Variants in CNTN3 observed in about 807,000 individuals in gnomAD.
CNTN3 encodes contactin-3.
Under a neutral mutation model 119.1 loss-of-function variants are expected in CNTN3, and 60 were observed. The ratio of observed to expected loss-of-function variants is 0.50; its 90% CI spans 0.41 to 0.62. The LOEUF is 0.62. Among genes scored for constraint, CNTN3 ranks in the 20% least tolerant of loss-of-function variants. CNTN3 has a pLI of 0.00. For missense variants in CNTN3, 1,101 were observed against 1,242.4 expected (o/e 0.89, Z 1.71); for synonymous variants, 450 against 438.7 (o/e 1.03, Z -0.32).
chr3:74,444,464 A>G (rs1050029857), intron 4 of CNTN3, among the ~76,000 whole-genome samples: 7 of 152,170 alleles, frequency 4.6e-5, no homozygotes, highest in African/African-American at 1.4e-4. Flanking sequence ...CCAGAAAGCT[A>G]TGGGAAAGGC....
intron 5 of CNTN3, among the ~76,000 whole-genome samples, chr3:74,395,246 C>T (rs1459415304): frequency 6.6e-6 from 1 of 152,072 alleles, no homozygotes; most frequent in Non-Finnish European, 1.5e-5. Flanking sequence ...GTAATCAAAC[C>T]ACTCTACCCA....
intron 3 of CNTN3, among the ~76,000 whole-genome samples, chr3:74,498,924 G>A (rs1703112182): frequency 6.6e-6 from 1 of 151,768 alleles, no homozygotes; most frequent in East Asian, 1.9e-4. Context: ...TCATGAAAGT[G>A]GGTCTCCCAA....
At chr3:74,511,307 G>C (rs1294104202) in intron 2 of CNTN3, among the ~76,000 whole-genome samples, 1 of 152,092 alleles carries the variant, frequency 6.6e-6, no homozygotes, top group African/African-American at 2.4e-5. Flanking sequence ...ATCCATGGAT[G>C]TCAGCAAGAA....
intron 5 of CNTN3, among the ~76,000 whole-genome samples, chr3:74,389,200 A>G (rs1286729715): frequency 6.6e-6 from 1 of 152,234 alleles, no homozygotes; most frequent in Non-Finnish European, 1.5e-5. Flanking sequence ...GTATTTAAAG[A>G]CAATTAAATC....
intron 5 of CNTN3, among the ~76,000 whole-genome samples, chr3:74,381,990 C>T (rs1704634044): frequency 6.6e-6 from 1 of 152,090 alleles, no homozygotes; most frequent in South Asian, 2.1e-4. Context: ...GGGTGGATCA[C>T]CTGTGGTCGG....
chr3:74,317,759 C>T (rs1275323473), intron 13 of CNTN3, among the ~76,000 whole-genome samples: 1 of 152,144 alleles, frequency 6.6e-6, no homozygotes, highest in Non-Finnish European at 1.5e-5. Context: ...TTCTCTCTGG[C>T]TGCCCTTAAC....
Position 74,557,574 on chromosome 3 carries a change from CT to C in CNTN3, c.-80-36383del. ...CCTCAGCAATCCATATGGGAAATTT[CT>C]TTTTTCTATTTGCTGAAACTCTAAG... On this transcript the variant is annotated intron_variant, in intron 1 of 22. Coordinates refer to ENST00000263665, the MANE Select transcript of CNTN3 (RefSeq NM_020872.3). 2.6e-5 allele frequency among the ~76,000 whole-genome samples: 4 copies of C among 152,162 alleles called. 1 individual carries two copies. Among genetic ancestry groups the C allele is most frequent in the African/African-American group, 9.6e-5 (4 of 41,528 alleles).
In CNTN3 at chr3:74,371,266, A is replaced by C. The variant is rs1473323587; in HGVS notation, c.588T>G (p.Cys196Trp). The change falls in exon 6 of 23, where the codon TGT becomes TGG. Residue 196 changes from cysteine (C) to tryptophan (W), a missense_variant. Transcript: ENST00000263665. ...VEPSDVGNYT[C>W]VVTSMVTNAR... is the part of the protein sequence containing the mutation. ...CATTTGTCACCATACTTGTCACCAC[A>C]CATGTGTAATTTCCCACATCAGACG... 1 of 1,613,520 alleles carries C rather than the reference A, an allele frequency of 6.2e-7. No individual in the cohort carries two copies. The highest frequency in any genetic ancestry group is 1.1e-5 in the South Asian group (1 of 91,082).
intron 1 of CNTN3, among the ~76,000 whole-genome samples, chr3:74,541,518 C>T (rs1467398399): frequency 1.3e-5 from 2 of 151,528 alleles, no homozygotes; most frequent in East Asian, 1.9e-4. Flanking sequence ...ATATAAAATA[C>T]AAAAATATAA....
intron 1 of CNTN3, among the ~76,000 whole-genome samples, chr3:74,521,767 C>T (rs1362778839): frequency 1.3e-5 from 2 of 151,678 alleles, no homozygotes; most frequent in Non-Finnish European, 2.9e-5. Context: ...CAAATGAAAC[C>T]ATTTTCTTTT....
intron 5 of CNTN3, among the ~76,000 whole-genome samples, chr3:74,413,093 T>C (rs1351515972): frequency 2.6e-5 from 4 of 152,084 alleles, no homozygotes; most frequent in East Asian, 1.9e-4. Flanking sequence ...CTTTGGAAAA[T>C]GGAATGAGCA....
chr3:74,580,623 C>T (rs150691177), intron 1 of CNTN3, among the ~76,000 whole-genome samples: 5 of 152,212 alleles, frequency 3.3e-5, no homozygotes, highest in Admixed American at 6.5e-5. Context: ...ATTAACAAAA[C>T]GTAACTATCT....
At chr3:74,402,597 T>A (rs1705226705) in intron 5 of CNTN3, among the ~76,000 whole-genome samples, 2 of 152,176 alleles carry the variant, frequency 1.3e-5, no homozygotes, top group South Asian at 2.1e-4. Context: ...TAAGCATTAT[T>A]TTTGGCTTTG....
chr3:74,288,685 C>A (rs1702167091), intron 19 of CNTN3, among the ~76,000 whole-genome samples: 1 of 152,156 alleles, frequency 6.6e-6, no homozygotes, highest in South Asian at 2.1e-4. Context: ...CAAGGTCATT[C>A]TCCCAAATTT....
chr3:74,397,660 T>C (rs1159989886), intron 5 of CNTN3, among the ~76,000 whole-genome samples: 2 of 152,180 alleles, frequency 1.3e-5, no homozygotes, highest in East Asian at 3.8e-4. Context: ...AGTTATAATA[T>C]TTAAGAAACA....
chr3:74,322,192 G>A (rs896563749), intron 13 of CNTN3, among the ~76,000 whole-genome samples: 2 of 144,576 alleles, frequency 1.4e-5, no homozygotes, highest in Non-Finnish European at 3.0e-5. Flanking sequence ...AAAAAAAGAT[G>A]TTAACAGAAT....
chr3:74,384,475 G>T (rs1704698638), intron 5 of CNTN3, among the ~76,000 whole-genome samples: 1 of 152,104 alleles, frequency 6.6e-6, no homozygotes, highest in Non-Finnish European at 1.5e-5. Context: ...ACTTACCTAG[G>T]AATTCTAATC....
chr3:74,483,758 G>T (rs764961234), intron 4 of CNTN3, among the ~76,000 whole-genome samples: 13 of 152,020 alleles, frequency 8.6e-5, no homozygotes, highest in Non-Finnish European at 1.9e-4. Context: ...TGACCTGGGA[G>T]CCTCATGTCT....
rs755507992 is a variant in CNTN3 at position 74,490,673 on chromosome 3, T to G, written c.183-4042A>C. On this transcript the variant is annotated intron_variant, in intron 3 of 22. Transcript: ENST00000263665. ...GAAGAATCAAAAGGAGAAAGATTTG[T>G]TCCATTACACACAAACGCTTCTCAC... 1.3e-4 allele frequency among the ~76,000 whole-genome samples: 20 copies of G among 152,276 alleles called. No individual in the cohort carries two copies. The South Asian group carries it at 1.7e-3, about 13-fold the overall frequency.
Sources: gnomAD v4.1 joint callset for allele counts (sites outside exome capture counted in the v4.1 genomes callset) on GRCh38, gnomAD v4.1.1 for gene constraint, MANE v1.5 for transcripts, NCBI Gene and HGNC (gene_info 2026-07-23, HGNC 2026-07-21) for gene names.